Variants in MFHAS1 observed in about 807,000 individuals in gnomAD.
The protein encoded by MFHAS1 is multifunctional ROCO family signaling regulator 1.
In MFHAS1, 50 loss-of-function variants were observed where a neutral mutation model predicts 70.4. That is an observed-to-expected ratio of 0.71 (90% CI 0.57 to 0.90). The LOEUF is 0.90. MFHAS1 is among the 40% of genes least tolerant of loss of function. The pLI, the probability that MFHAS1 is intolerant of heterozygous loss-of-function variation, is 0.00. For synonymous variants in MFHAS1, 952 were observed against 620.0 expected (o/e 1.54, Z -7.96); for missense variants, 1,795 against 1,347.6 (o/e 1.33, Z -5.20).
At chr8:8,851,341 C>A (rs1808241228) in intron 1 of MFHAS1, among the ~76,000 whole-genome samples, 1 of 152,152 alleles carries the variant, frequency 6.6e-6, no homozygotes, top group Non-Finnish European at 1.5e-5. Flanking sequence ...TTCAATGAGT[C>A]CCTACAAGTC....
At chr8:8,857,006 A>G in intron 1 of MFHAS1, among the ~76,000 whole-genome samples, 1 of 148,160 alleles carries the variant, frequency 6.7e-6, no homozygotes, top group East Asian at 2.0e-4. Flanking sequence ...AAAAAAAAAA[A>G]AAGAGGAGAG....
At chr8:8,876,377 G>C (rs1585066776) in intron 1 of MFHAS1, among the ~76,000 whole-genome samples, 1 of 152,116 alleles carries the variant, frequency 6.6e-6, no homozygotes, top group Non-Finnish European at 1.5e-5. Context: ...AAATGTAATT[G>C]AGGAAACTTT....
intron 1 of MFHAS1, among the ~76,000 whole-genome samples, chr8:8,858,647 T>TG (rs35674937): frequency 5.9e-5 from 9 of 152,072 alleles, no homozygotes; most frequent in African/African-American, 2.2e-4. Flanking sequence ...GGTATATATA[T>TG]GGGGGGTTGG....
Position 8,890,526 on chromosome 8 carries a change from T to C in MFHAS1, c.2533A>G (p.Thr845Ala), listed in dbSNP as rs1191905796. 3 of 1,613,554 alleles carry C rather than the reference T, an allele frequency of 1.9e-6. No homozygotes were observed. Among genetic ancestry groups the C allele is most frequent in the Non-Finnish European group, 2.5e-6 (3 of 1,180,044 alleles). The change falls in exon 1 of 3, where the codon ACA becomes GCA. Residue 845 changes from threonine (T) to alanine (A), a missense_variant. Coordinates refer to ENST00000276282, the MANE Select transcript of MFHAS1 (RefSeq NM_004225.3). ...TAGCATGGGAACTTGTACCAAGCTG[T>C]GGACCCATTCAAAGGCTTGCCCTTG... ...KPKGKPLNGS[T>A]AWYKFPCYVQ...
At position 8,784,011 on chromosome 8, in the gene MFHAS1, T is replaced by C. The variant is rs893368306; in HGVS notation, c.*2011A>G. The C allele has an allele frequency of 6.6e-6, 1 of 152,126 alleles. No homozygotes were observed. The highest frequency in any genetic ancestry group is 2.4e-5 in the African/African-American group (1 of 41,414). 9.4% of individuals were successfully genotyped at this position (152,126 alleles called of 1,614,324 possible). A position where few individuals can be genotyped will look rare whatever the true frequency, so the allele number is the denominator to read the frequency against. Reference sequence around the variant, plus strand: ...AGATGACAGCATAAAACATCACTGGTCAAAAATATTAGATATTAAGAATGT... The same window carrying C: ...AGATGACAGCATAAAACATCACTGGCCAAAAATATTAGATATTAAGAATGT... On this transcript the variant is annotated 3_prime_UTR_variant, in exon 3 of 3. Transcript: ENST00000276282.
chr8:8,850,129 C>G (rs7017739), intron 1 of MFHAS1, among the ~76,000 whole-genome samples: 20,793 of 152,192 alleles, frequency 0.14, 1,512 homozygotes, highest in African/African-American at 0.18. Context: ...AGTGTGTATA[C>G]CTTTAAATCC....
intron 1 of MFHAS1, among the ~76,000 whole-genome samples, chr8:8,873,302 T>C (rs575298027): frequency 1.4e-4 from 21 of 152,300 alleles, no homozygotes; most frequent in Non-Finnish European, 2.5e-4. Flanking sequence ...ACTGTCTGCA[T>C]TGACTTGGCA....
chr8:8,859,008 A>G (rs1808560460), intron 1 of MFHAS1, among the ~76,000 whole-genome samples: 1 of 152,222 alleles, frequency 6.6e-6, no homozygotes, highest in South Asian at 2.1e-4. Context: ...ACACATACAC[A>G]CACACATAAA....
chr8:8,831,081 T>C (rs545191946), intron 1 of MFHAS1, among the ~76,000 whole-genome samples: 10 of 151,772 alleles, frequency 6.6e-5, no homozygotes, highest in African/African-American at 1.9e-4. Flanking sequence ...GGTGAGGGCC[T>C]CTCCCTAGCT....
chr8:8,797,998 C>G (rs1441210584), intron 1 of MFHAS1, among the ~76,000 whole-genome samples: 1 of 152,194 alleles, frequency 6.6e-6, no homozygotes, highest in Non-Finnish European at 1.5e-5. Context: ...TAAGATCAGC[C>G]CAGCCTCCTC....
chr8:8,829,459 T>G (rs1280062002), intron 1 of MFHAS1, among the ~76,000 whole-genome samples: 2 of 152,180 alleles, frequency 1.3e-5, no homozygotes, highest in Admixed American at 6.5e-5. Flanking sequence ...GGTGGGTAGA[T>G]CACTTGAGGT....
chr8:8,882,030 T>C (rs1296234827), intron 1 of MFHAS1, among the ~76,000 whole-genome samples: 1 of 152,122 alleles, frequency 6.6e-6, no homozygotes, highest in East Asian at 1.9e-4. Flanking sequence ...GGAATATGTA[T>C]ACCAGAAAAA....
intron 1 of MFHAS1, among the ~76,000 whole-genome samples, chr8:8,826,814 T>C (rs1807181677): frequency 6.6e-6 from 1 of 152,180 alleles, no homozygotes; most frequent in Admixed American, 6.5e-5. Context: ...ACATCTTTTT[T>C]CCATCAGAAA....
rs1010083463 is a variant in MFHAS1, at chr8:8,890,285, A to C, written c.2774T>G (p.Val925Gly). 1 of 1,614,114 alleles carries C rather than the reference A, an allele frequency of 6.2e-7. No individual in the cohort carries two copies. Among genetic ancestry groups the C allele is most frequent in the Non-Finnish European group, 8.5e-7 (1 of 1,180,050 alleles). ...CCTGGCAGGTCTGTAACTCACAACC[A>C]CAGGAACTTTCCCTCTATAGGCAAA... ...QIFAYRGKVP[V>G]VVSYRPARGV... Residue 925 changes from valine (V) to glycine (G), a missense_variant, in exon 1 of 3, where the codon GTG becomes GGG. Coordinates refer to ENST00000276282, the MANE Select transcript of MFHAS1 (RefSeq NM_004225.3).
intron 1 of MFHAS1, among the ~76,000 whole-genome samples, chr8:8,849,061 T>C (rs1267435625): frequency 7.1e-6 from 1 of 140,800 alleles, no homozygotes. Context: ...AATTCCTTTT[T>C]ACCTTTTTTT....
intron 1 of MFHAS1, among the ~76,000 whole-genome samples, chr8:8,863,418 C>G (rs1440948707): frequency 6.6e-6 from 1 of 152,168 alleles, no homozygotes; most frequent in Non-Finnish European, 1.5e-5. Flanking sequence ...GCCAGTGGGA[C>G]TTCAAAGGCC....
intron 1 of MFHAS1, among the ~76,000 whole-genome samples, chr8:8,840,154 C>A (rs942133317): frequency 6.6e-6 from 1 of 152,148 alleles, no homozygotes; most frequent in Admixed American, 6.5e-5. Context: ...ACTCCAGGGA[C>A]GCAACAAAAT....
intron 1 of MFHAS1, among the ~76,000 whole-genome samples, chr8:8,834,514 G>C (rs1807528003): frequency 6.6e-6 from 1 of 152,108 alleles, no homozygotes; most frequent in Non-Finnish European, 1.5e-5. Context: ...GTTCACATTT[G>C]AGATACACAA....
chr8:8,878,147 G>A (rs968969166), intron 1 of MFHAS1, among the ~76,000 whole-genome samples: 1 of 152,114 alleles, frequency 6.6e-6, no homozygotes, highest in East Asian at 1.9e-4. Flanking sequence ...GCTGACCTCT[G>A]CACGGGCAGC....
Sources: allele counts gnomAD v4.1 joint callset (sites outside exome capture counted in the v4.1 genomes callset), GRCh38; gene constraint gnomAD v4.1.1; transcripts MANE v1.5; gene names NCBI Gene and HGNC (gene_info 2026-07-23, HGNC 2026-07-21).